Variants in HPSE2 observed in about 807,000 individuals in gnomAD.
HPSE2 encodes the protein heparanase 2 (inactive), also known as inactive heparanase-2.
Under a neutral mutation model 60.5 loss-of-function variants are expected in HPSE2, and 38 were observed. The observed-to-expected ratio is 0.63, with a 90% CI of 0.48 to 0.82. HPSE2 has a LOEUF of 0.82. Ranked by LOEUF, HPSE2 falls within the 40% of genes least tolerant of loss-of-function variation. The pLI, the probability that HPSE2 is intolerant of heterozygous loss-of-function variation, is 0.00. For missense variants in HPSE2, 713 were observed against 740.4 expected, an observed-to-expected ratio of 0.96 and a Z score of 0.43; for synonymous variants, 295 against 293.2, an observed-to-expected ratio of 1.01 and a Z score of -0.06.
At chr10:99,113,377 A>G (rs1844548904) in intron 3 of HPSE2, among the ~76,000 whole-genome samples, 1 of 152,206 alleles carries the variant, frequency 6.6e-6, no homozygotes, top group Non-Finnish European at 1.5e-5. Context: ...TTTTAGGAAT[A>G]AAGGACTTCA....
At chr10:99,284,225 C>T in the HPSE2 span, among the ~76,000 whole-genome samples, 3 of 151,924 alleles carry the variant, frequency 2.0e-5, no homozygotes, top group Non-Finnish European at 4.4e-5. Context: ...AAGGATGGTT[C>T]AACATACAAA....
chr10:98,810,183 T>G (rs1428224271), intron 3 of HPSE2, among the ~76,000 whole-genome samples: 1 of 152,110 alleles, frequency 6.6e-6, no homozygotes, highest in Non-Finnish European at 1.5e-5. Flanking sequence ...ATCAGGTGTC[T>G]TCCTCTATTA....
At chr10:99,080,985 G>A (rs1009491985) in intron 3 of HPSE2, among the ~76,000 whole-genome samples, 1 of 152,014 alleles carries the variant, frequency 6.6e-6, no homozygotes, top group African/African-American at 2.4e-5. Flanking sequence ...TAGTAGAGAC[G>A]GGGTTTCACC....
Position 98,938,396 on chromosome 10 carries a change from T to G in HPSE2, c.611-194340A>C, listed in dbSNP as rs369407059. 9.1e-4 allele frequency among the ~76,000 whole-genome samples: 132 copies of G among 144,298 alleles called. 7 individuals are homozygous for G. The highest frequency in any genetic ancestry group is 1.5e-3 in the Non-Finnish European group (103 of 67,164). The allele number at this position is 144,298 out of a possible 152,430, so 94.7% of individuals were successfully genotyped here. A position where few individuals can be genotyped will look rare whatever the true frequency, so the allele number is the denominator to read the frequency against. On this transcript the variant is annotated intron_variant, in intron 3 of 11. Coordinates refer to ENST00000370552, the MANE Select transcript of HPSE2 (RefSeq NM_021828.5). Reference sequence around the variant, plus strand: ...AACCAATACAGAGAAGTGCTTAAAGTAGCTGATGGAGCTGAAAGCCAAGGC... The same window carrying G: ...AACCAATACAGAGAAGTGCTTAAAGGAGCTGATGGAGCTGAAAGCCAAGGC...
chr10:98,855,329 G>C (rs1417561241), intron 3 of HPSE2, among the ~76,000 whole-genome samples: 2 of 152,104 alleles, frequency 1.3e-5, no homozygotes, highest in African/African-American at 4.8e-5. Context: ...GGGTGTGTGG[G>C]GATTGTGGAT....
intron 2 of HPSE2, among the ~76,000 whole-genome samples, chr10:99,174,806 T>C (rs1259194280): frequency 6.6e-6 from 1 of 152,180 alleles, no homozygotes; most frequent in East Asian, 1.9e-4. Context: ...CTGGTTTATT[T>C]AAAAGAAGAG....
chr10:99,262,764 C>A, the HPSE2 span, among the ~76,000 whole-genome samples: 4 of 152,142 alleles, frequency 2.6e-5, no homozygotes, highest in East Asian at 7.7e-4. Context: ...CTATCCACCC[C>A]ATGGTGCCAA....
intron 3 of HPSE2, chr10:99,013,860 G>A: frequency 3.0e-6 from 1 of 332,194 alleles, no homozygotes; most frequent in Non-Finnish European, 6.2e-6. Context: ...GTTAAAGGAT[G>A]GTAGTTTTCC....
intron 3 of HPSE2, among the ~76,000 whole-genome samples, chr10:98,813,569 T>A (rs959173999): frequency 1.3e-5 from 2 of 152,180 alleles, no homozygotes; most frequent in African/African-American, 2.4e-5. Context: ...AAAGGGATGT[T>A]ACTCAAGAGT....
intron 9 of HPSE2, among the ~76,000 whole-genome samples, chr10:98,542,679 A>T (rs1564953317): frequency 6.6e-6 from 1 of 150,800 alleles, no homozygotes; most frequent in Non-Finnish European, 1.5e-5. Context: ...TACGTGAAGA[A>T]TGCAGAAGCC....
intron 4 of HPSE2, among the ~76,000 whole-genome samples, chr10:98,724,603 G>T (rs1198976281): frequency 6.6e-6 from 1 of 152,128 alleles, no homozygotes; most frequent in African/African-American, 2.4e-5. Context: ...GGGAGTCTAA[G>T]TCTCTTTGTA....
chr10:98,960,718 T>A lies in HPSE2; in HGVS notation c.610+183520A>T, dbSNP rs1395034136. Among the ~76,000 whole-genome samples the A allele has an allele frequency of 7.3e-3, 325 of 44,734 alleles. 4 individuals carry two copies. The highest frequency in any genetic ancestry group is 0.031 in the African/African-American group (280 of 9,022). The allele number at this position is 44,734 out of a possible 152,430, so 29.3% of individuals were successfully genotyped here. On this transcript the variant is annotated intron_variant, in intron 3 of 11. Transcript: ENST00000370552. ...GTACATTTCTTTTTTTTTTTTTTTT[T>A]TTGTTTTATTTTTTTTATTTTATTT... is the stretch of plus-strand genomic sequence containing the variant.
At chr10:99,315,025 T>C in the HPSE2 span, among the ~76,000 whole-genome samples, 4 of 152,234 alleles carry the variant, frequency 2.6e-5, no homozygotes, top group African/African-American at 7.2e-5. Context: ...TTTCCTTCCA[T>C]GCACCTTAGC....
intron 9 of HPSE2, among the ~76,000 whole-genome samples, chr10:98,585,526 T>C (rs1284594577): frequency 2.0e-5 from 3 of 151,768 alleles, no homozygotes; most frequent in African/African-American, 7.2e-5. Context: ...CGCCTCAGCC[T>C]CCCAAAGTGC....
intron 9 of HPSE2, among the ~76,000 whole-genome samples, chr10:98,589,381 C>G (rs1172904366): frequency 6.6e-6 from 1 of 152,180 alleles, no homozygotes; most frequent in Non-Finnish European, 1.5e-5. Flanking sequence ...ACCTGCCACC[C>G]CACTGACTCC....
At chr10:98,777,088 C>A (rs1411247144) in intron 3 of HPSE2, among the ~76,000 whole-genome samples, 1 of 152,152 alleles carries the variant, frequency 6.6e-6, no homozygotes, top group East Asian at 1.9e-4. Context: ...AAGAAAAGAT[C>A]TTTGCCAGTC....
chr10:99,294,867 C>T, the HPSE2 span, among the ~76,000 whole-genome samples: 1 of 152,016 alleles, frequency 6.6e-6, no homozygotes, highest in African/African-American at 2.4e-5. Flanking sequence ...GAGGCAGGGG[C>T]ATTGTTTGAA....
At chr10:98,730,641 C>T in intron 4 of HPSE2, among the ~76,000 whole-genome samples, 1 of 151,350 alleles carries the variant, frequency 6.6e-6, no homozygotes, top group East Asian at 2.0e-4. Context: ...TAAACAATCT[C>T]ACAGTAATTA....
At chr10:98,614,539 G>A (rs771875585) in intron 9 of HPSE2, among the ~76,000 whole-genome samples, 17 of 152,080 alleles carry the variant, frequency 1.1e-4, no homozygotes, top group African/African-American at 2.9e-4. Flanking sequence ...TGATCCACCC[G>A]CCTTGGCCTC....
Sources: gnomAD v4.1 joint callset for allele counts (sites outside exome capture counted in the v4.1 genomes callset) on GRCh38, gnomAD v4.1.1 for gene constraint, MANE v1.5 for transcripts, NCBI Gene and HGNC (gene_info 2026-07-23, HGNC 2026-07-21) for gene names.